BNC2: variants seen among roughly 807,000 people sequenced by gnomAD.
BNC2 encodes the protein basonuclin zinc finger protein 2.
Under a neutral mutation model 76.3 loss-of-function variants are expected in BNC2, and 20 were observed. The ratio of observed to expected loss-of-function variants is 0.26; its 90% CI spans 0.18 to 0.38. The LOEUF is 0.38. Ranked by LOEUF, BNC2 falls within the 10% of genes least tolerant of loss-of-function variation. The pLI, the probability that BNC2 is intolerant of heterozygous loss-of-function variation, is 1.00. For synonymous variants in BNC2, 582 were observed against 514.8 expected (o/e 1.13, Z -1.77); for missense variants, 1,382 against 1,399.8 (o/e 0.99, Z 0.20).
chr9:16,823,356 C>G (rs1327170944), intron 1 of BNC2, among the ~76,000 whole-genome samples: 3 of 141,810 alleles, frequency 2.1e-5, no homozygotes, highest in African/African-American at 7.9e-5. Context: ...TTTGGGAGGC[C>G]AAGGTGGGAG....
intron 3 of BNC2, among the ~76,000 whole-genome samples, chr9:16,643,937 A>G (rs948428611): frequency 1.3e-5 from 2 of 152,196 alleles, no homozygotes; most frequent in African/African-American, 4.8e-5. Context: ...TTAACACCAT[A>G]AACTTTCAGA....
chr9:16,785,657 C>T (rs912197409), intron 1 of BNC2, among the ~76,000 whole-genome samples: 6 of 150,314 alleles, frequency 4.0e-5, no homozygotes, highest in African/African-American at 7.3e-5. Context: ...CTCGGCCTCC[C>T]AAAGTGCTGG....
At chr9:16,738,994 C>T (rs933796557) in intron 1 of BNC2, among the ~76,000 whole-genome samples, 2 of 150,930 alleles carry the variant, frequency 1.3e-5, no homozygotes, top group Non-Finnish European at 3.0e-5. Context: ...AGCAGAATTC[C>T]ATACAACTTA....
At position 16,413,450 on chromosome 9, in the gene BNC2, T is replaced by C. The variant is rs891781025; in HGVS notation, c.*5539A>G. 6.6e-6 allele frequency: 1 copy of C among 152,112 alleles called. No homozygotes were observed. Among genetic ancestry groups the C allele is most frequent in the Non-Finnish European group, 1.5e-5 (1 of 68,026 alleles). 9.4% of individuals were successfully genotyped at this position (152,112 alleles called of 1,614,324 possible). On this transcript the variant is annotated 3_prime_UTR_variant, in exon 7 of 7. Coordinates refer to ENST00000380672, the MANE Select transcript of BNC2 (RefSeq NM_017637.6). ...GGATTAATCTTTTGGATTAAAAGCA[T>C]TTGGATTTTTCAACAAATGCCAAAA...
chr9:16,780,257 CAAAAAA>C (rs1212395782), intron 1 of BNC2, among the ~76,000 whole-genome samples: 160 of 78,712 alleles, frequency 2.0e-3, no homozygotes, highest in Non-Finnish European at 3.2e-3. Context: ...AAAAAAAAAA[CAAAAAA>C]AAACTACTGA....
chr9:16,799,185 T>C (rs181197483), intron 1 of BNC2, among the ~76,000 whole-genome samples: 2 of 152,286 alleles, frequency 1.3e-5, no homozygotes, highest in African/African-American at 4.8e-5. Context: ...TGTAACAAAG[T>C]ATAAAGAAGC....
At chr9:16,601,005 T>C (rs1820229251) in intron 3 of BNC2, among the ~76,000 whole-genome samples, 1 of 152,158 alleles carries the variant, frequency 6.6e-6, no homozygotes, top group South Asian at 2.1e-4. Context: ...CTTTTATTAT[T>C]TAAACATCTT....
chr9:16,412,765 G>GAGAC lies in BNC2; in HGVS notation c.*6223_*6224insGTCT, dbSNP rs1563770082. On this transcript the variant is annotated 3_prime_UTR_variant, in exon 7 of 7. Coordinates refer to ENST00000380672, the MANE Select transcript of BNC2 (RefSeq NM_017637.6). ...AGAGAGAGAGAGAGAGAGAGAGAGA[G>GAGAC]ACTGACTGATTGTGGATGTGTGTGT... is the stretch of plus-strand genomic sequence containing the variant. 3.8e-5 allele frequency: 5 copies of GAGAC among 131,598 alleles called. No homozygotes were observed. The highest frequency in any genetic ancestry group is 1.5e-4 in the African/African-American group (5 of 33,246). 8.2% of individuals were successfully genotyped at this position (131,598 alleles called of 1,614,324 possible). A position where few individuals can be genotyped will look rare whatever the true frequency, so the allele number is the denominator to read the frequency against.
At chr9:16,473,678 G>A (rs573479891) in intron 5 of BNC2, among the ~76,000 whole-genome samples, 6 of 152,020 alleles carry the variant, frequency 3.9e-5, no homozygotes, top group Non-Finnish European at 8.8e-5. Flanking sequence ...TTCGAGACCA[G>A]CCTGACCAAT....
chr9:16,797,167 C>T (rs1305171966), intron 1 of BNC2, among the ~76,000 whole-genome samples: 1 of 151,876 alleles, frequency 6.6e-6, no homozygotes, highest in African/African-American at 2.4e-5. Flanking sequence ...TTTACTTAAC[C>T]TTCTCTAAAT....
intron 3 of BNC2, among the ~76,000 whole-genome samples, chr9:16,641,411 A>G (rs1162877904): frequency 6.6e-6 from 1 of 152,168 alleles, no homozygotes; most frequent in Non-Finnish European, 1.5e-5. Flanking sequence ...AAAAATCTAC[A>G]CCAAATAAAT....
At chr9:16,458,482 C>A (rs534836244) in intron 5 of BNC2, among the ~76,000 whole-genome samples, 1 of 152,184 alleles carries the variant, frequency 6.6e-6, no homozygotes, top group Admixed American at 6.5e-5. Context: ...TTGTCTGAAA[C>A]TGGGTTGTCA....
At chr9:16,548,878 A>C (rs1244373102) in intron 5 of BNC2, among the ~76,000 whole-genome samples, 1 of 152,220 alleles carries the variant, frequency 6.6e-6, no homozygotes, top group Non-Finnish European at 1.5e-5. Flanking sequence ...GGTTCTTAAT[A>C]TATTACCTGA....
At chr9:16,859,003 C>G (rs2136196987) in intron 1 of BNC2, among the ~76,000 whole-genome samples, 1 of 151,792 alleles carries the variant, frequency 6.6e-6, no homozygotes, top group African/African-American at 2.4e-5. Flanking sequence ...TAAAACTCAA[C>G]AACAACAAAA....
At chr9:16,469,013 G>A (rs1821758052) in intron 5 of BNC2, among the ~76,000 whole-genome samples, 2 of 152,000 alleles carry the variant, frequency 1.3e-5, no homozygotes, top group Admixed American at 6.6e-5. Flanking sequence ...TTAAAATCTT[G>A]GATTTTAAAA....
chr9:16,558,222 A>G (rs901968905), intron 4 of BNC2, among the ~76,000 whole-genome samples: 2 of 152,332 alleles, frequency 1.3e-5, no homozygotes, highest in South Asian at 2.1e-4. Flanking sequence ...CACCCTGAGC[A>G]TAACAACTGG....
At chr9:16,818,836 A>T (rs185295224) in intron 1 of BNC2, among the ~76,000 whole-genome samples, 233 of 150,820 alleles carry the variant, frequency 1.5e-3, no homozygotes, top group African/African-American at 4.7e-3. Context: ...ATGAATTTTT[A>T]AAAAAAATTC....
At chr9:16,785,090 G>C (rs1270594408) in intron 1 of BNC2, among the ~76,000 whole-genome samples, 1 of 152,194 alleles carries the variant, frequency 6.6e-6, no homozygotes, top group African/African-American at 2.4e-5. Context: ...CTTTTGGAAA[G>C]GGAATGTGTT....
At chr9:16,484,189 G>C (rs1822114477) in intron 5 of BNC2, among the ~76,000 whole-genome samples, 1 of 152,168 alleles carries the variant, frequency 6.6e-6, no homozygotes, top group Non-Finnish European at 1.5e-5. Flanking sequence ...ATTTTGAACA[G>C]TCTAGGCCGT....
Sources: gnomAD v4.1 joint callset for allele counts (sites outside exome capture counted in the v4.1 genomes callset) on GRCh38, gnomAD v4.1.1 for gene constraint, MANE v1.5 for transcripts, NCBI Gene and HGNC (gene_info 2026-07-23, HGNC 2026-07-21) for gene names.